VPS13B: variants seen among roughly 807,000 people sequenced by gnomAD.
VPS13B encodes the protein intermembrane lipid transfer protein VPS13B.
Under a neutral mutation model 426.4 loss-of-function variants are expected in VPS13B, and 285 were observed. The observed-to-expected ratio is 0.67, with a 90% CI of 0.61 to 0.74. The LOEUF (loss-of-function observed/expected upper bound fraction) is 0.74. VPS13B is among the 30% of genes least tolerant of loss of function. The pLI is 0.00. For missense variants in VPS13B, 4,537 were observed against 4,782.6 expected (o/e 0.95, Z 1.51); for synonymous variants, 1,676 against 1,676.4 (o/e 1.00, Z 0.01).
chr8:99,752,809 A>C (rs2130548261), intron 39 of VPS13B, among the ~76,000 whole-genome samples: 1 of 152,370 alleles, frequency 6.6e-6, no homozygotes, highest in Admixed American at 6.5e-5. Context: ...TGAAAGAACC[A>C]ACTATCAATG....
intron 21 of VPS13B, 81 bp downstream of exon 21, chr8:99,391,785 G>A (rs1814462009): frequency 2.0e-6 from 3 of 1,532,744 alleles, no homozygotes; most frequent in Non-Finnish European, 2.7e-6. Context: ...TTTCATGGAT[G>A]CTGGCCAAAG....
chr8:99,486,294 C>A (rs559467817), intron 25 of VPS13B, among the ~76,000 whole-genome samples: 3 of 151,914 alleles, frequency 2.0e-5, no homozygotes, highest in South Asian at 2.1e-4. Context: ...GGCGCGATCT[C>A]GGCTCAGTGC....
chr8:99,776,977 A>G (rs1190083589), intron 41 of VPS13B, 21 bp downstream of exon 41: 2 of 1,608,308 alleles, frequency 1.2e-6, no homozygotes, highest in African/African-American at 1.3e-5. Flanking sequence ...TTTTAGCATC[A>G]GAATAACATC....
chr8:99,233,461 G>A, intron 17 of VPS13B: 1 of 1,349,082 alleles, frequency 7.4e-7, no homozygotes, highest in Non-Finnish European at 1.1e-6. Flanking sequence ...GGTACCCACA[G>A]CCTGGGTTGG....
intron 33 of VPS13B, among the ~76,000 whole-genome samples, chr8:99,623,443 A>G (rs1026729533): frequency 6.6e-6 from 1 of 152,176 alleles, no homozygotes; most frequent in Non-Finnish European, 1.5e-5. Flanking sequence ...CTCGTAATAT[A>G]GGCTCCACAA....
intron 57 of VPS13B, among the ~76,000 whole-genome samples, chr8:99,861,361 G>A (rs1323474789): frequency 6.6e-6 from 1 of 152,174 alleles, no homozygotes; most frequent in Non-Finnish European, 1.5e-5. Flanking sequence ...GAGTGCAGTG[G>A]TGCAATTGCA....
intron 29 of VPS13B, among the ~76,000 whole-genome samples, chr8:99,513,911 A>G (rs1464765252): frequency 2.6e-5 from 4 of 152,192 alleles, no homozygotes; most frequent in Non-Finnish European, 4.4e-5. Flanking sequence ...CGGCTCCTCA[A>G]TGTGGGCATT....
At chr8:99,107,031 G>T (rs1432698730) in intron 5 of VPS13B, among the ~76,000 whole-genome samples, 1 of 152,098 alleles carries the variant, frequency 6.6e-6, no homozygotes, top group Non-Finnish European at 1.5e-5. Flanking sequence ...CATTTCTGTT[G>T]GGTATATGCC....
chr8:99,624,157 TAGCC>T (rs893413467), intron 33 of VPS13B, among the ~76,000 whole-genome samples: 1 of 151,756 alleles, frequency 6.6e-6, no homozygotes, highest in Non-Finnish European at 1.5e-5. Flanking sequence ...TGTCAGTTGG[TAGCC>T]AGTATAGGTT....
At chr8:99,677,686 G>C (rs1009031329) in intron 35 of VPS13B, among the ~76,000 whole-genome samples, 3 of 152,174 alleles carry the variant, frequency 2.0e-5, no homozygotes, top group African/African-American at 7.2e-5. Flanking sequence ...CAGGGAGGTA[G>C]GGGGCCAGTA....
chr8:99,275,341 T>G (rs1388727732), intron 19 of VPS13B, 87 bp downstream of exon 19: 2 of 1,323,244 alleles, frequency 1.5e-6, no homozygotes, highest in Non-Finnish European at 2.0e-6. Context: ...ATATATTTTT[T>G]TTTTTTTAGG....
chr8:99,080,625 G>T (rs963370390), intron 3 of VPS13B, among the ~76,000 whole-genome samples: 2 of 152,018 alleles, frequency 1.3e-5, no homozygotes, highest in Non-Finnish European at 2.9e-5. Context: ...CATAATGTGG[G>T]GTGGAGGTAA....
intron 17 of VPS13B, among the ~76,000 whole-genome samples, chr8:99,208,140 G>T: frequency 6.6e-6 from 1 of 152,142 alleles, no homozygotes. Context: ...GTGTCACATC[G>T]CCAGAGTTGG....
chr8:99,766,745 A>G (rs1284778572), intron 39 of VPS13B, 29 bp from the exon 40 acceptor site: 4 of 1,591,648 alleles, frequency 2.5e-6, no homozygotes, highest in East Asian at 2.2e-5. Context: ...TCTATTTGCA[A>G]CTTCTAAATT....
At chr8:99,729,486 A>C (rs948856684) in intron 39 of VPS13B, among the ~76,000 whole-genome samples, 2 of 152,208 alleles carry the variant, frequency 1.3e-5, no homozygotes, top group Non-Finnish European at 2.9e-5. Context: ...ACAGACACAC[A>C]TGAGATAGTT....
chr8:99,201,016 T>C (rs1267243394), intron 17 of VPS13B, among the ~76,000 whole-genome samples: 9 of 152,112 alleles, frequency 5.9e-5, no homozygotes, highest in Non-Finnish European at 1.3e-4. Flanking sequence ...TTTTTTAATA[T>C]CACAGAATCC....
intron 17 of VPS13B, among the ~76,000 whole-genome samples, chr8:99,196,656 C>T (rs889045128): frequency 6.6e-5 from 10 of 151,958 alleles, no homozygotes; most frequent in Non-Finnish European, 1.5e-4. Flanking sequence ...TCAGGCTGGT[C>T]TTGAACTCCT....
At chr8:99,520,874 C>A in intron 29 of VPS13B, 25 bp from the exon 30 acceptor site, 1 of 1,586,174 alleles carries the variant, frequency 6.3e-7, no homozygotes, top group South Asian at 1.1e-5. Flanking sequence ...ACAGTGTATT[C>A]ATGAATCTCC....
At chr8:99,782,758 A>G (rs537664565) in intron 42 of VPS13B, among the ~76,000 whole-genome samples, 129 of 152,194 alleles carry the variant, frequency 8.5e-4, no homozygotes, top group African/African-American at 2.9e-3. Flanking sequence ...AGGCATGGGC[A>G]GGGGCTGGGT....
Sources: gnomAD v4.1 joint callset for allele counts (sites outside exome capture counted in the v4.1 genomes callset) on GRCh38, gnomAD v4.1.1 for gene constraint, MANE v1.5 for transcripts, NCBI Gene and HGNC (gene_info 2026-07-23, HGNC 2026-07-21) for gene names.